SGMS1: variants seen among roughly 807,000 people sequenced by gnomAD.
SGMS1 encodes the protein sphingomyelin synthase 1.
In SGMS1, 13 loss-of-function variants were observed where a neutral mutation model predicts 46.2. The observed-to-expected ratio is 0.28, with a 90% confidence interval of 0.18 to 0.45. SGMS1 has a LOEUF of 0.45. Ranked by LOEUF, SGMS1 falls within the 20% of genes least tolerant of loss-of-function variation. The probability of loss-of-function intolerance (pLI) is 1.00; values close to 1 mark genes in which losing one functional copy is unlikely to be tolerated. For missense variants in SGMS1, 324 were observed against 519.9 expected, an observed-to-expected ratio of 0.62 and a Z score of 3.66; for synonymous variants, 203 against 187.8, an observed-to-expected ratio of 1.08 and a Z score of -0.66.
At chr10:50,578,048 C>T (rs1200827394) in intron 2 of SGMS1, among the ~76,000 whole-genome samples, 2 of 152,238 alleles carry the variant, frequency 1.3e-5, no homozygotes, top group East Asian at 3.8e-4. Context: ...GAGCTTATCA[C>T]CTCAAGGAGC....
At chr10:50,443,830 A>G (rs1160905842) in intron 5 of SGMS1, among the ~76,000 whole-genome samples, 1 of 152,158 alleles carries the variant, frequency 6.6e-6, no homozygotes, top group East Asian at 1.9e-4. Flanking sequence ...TGTGACATAT[A>G]TAGATATAAA....
intron 2 of SGMS1, among the ~76,000 whole-genome samples, chr10:50,545,150 G>A (rs1402441852): frequency 1.3e-5 from 2 of 152,154 alleles, no homozygotes; most frequent in African/African-American, 4.8e-5. Flanking sequence ...TTCAAAGGGG[G>A]AAGCTTTATA....
intron 6 of SGMS1, among the ~76,000 whole-genome samples, chr10:50,412,645 G>A (rs540884182): frequency 1.3e-5 from 2 of 152,172 alleles, no homozygotes; most frequent in Non-Finnish European, 2.9e-5. Flanking sequence ...TGACACATTT[G>A]CACATACATT....
At chr10:50,370,190 GCA>G (rs1848412768) in intron 6 of SGMS1, among the ~76,000 whole-genome samples, 1 of 152,032 alleles carries the variant, frequency 6.6e-6, no homozygotes, top group South Asian at 2.1e-4. Context: ...TGTCAACACT[GCA>G]CACTTAGGGT....
rs1848846579 is a variant in SGMS1 at position 50,396,237 on chromosome 10, A to C, written c.-232+37239T>G. Among the ~76,000 whole-genome samples the C allele has an allele frequency of 1.3e-5, 2 of 152,142 alleles. 1 individual carries two copies. Among genetic ancestry groups the C allele is most frequent in the South Asian group, 4.1e-4 (2 of 4,828 alleles). ...CCCAGTCCCACCCCTCTAGAGGTCC[A>C]AGCTTAAAGACTACCTCTTCTCCTC... is the stretch of plus-strand genomic sequence containing the variant. On this transcript the variant is annotated intron_variant, in intron 6 of 10. Transcript: ENST00000361781.
chr10:50,578,879 T>C (rs1838408314), intron 2 of SGMS1, among the ~76,000 whole-genome samples: 1 of 152,208 alleles, frequency 6.6e-6, no homozygotes, highest in African/African-American at 2.4e-5. Context: ...AAGCTGGAAA[T>C]CTGATAGATG....
intron 6 of SGMS1, among the ~76,000 whole-genome samples, chr10:50,416,283 A>G (rs1250896142): frequency 6.6e-6 from 1 of 152,144 alleles, no homozygotes; most frequent in Non-Finnish European, 1.5e-5. Flanking sequence ...AACTAAATTA[A>G]CTAGCTGTGA....
At chr10:50,321,443 T>G (rs1847441996) in intron 8 of SGMS1, among the ~76,000 whole-genome samples, 1 of 152,140 alleles carries the variant, frequency 6.6e-6, no homozygotes, top group African/African-American at 2.4e-5. Flanking sequence ...CATTGCTATC[T>G]TTAATCACTG....
intron 3 of SGMS1, among the ~76,000 whole-genome samples, chr10:50,517,025 T>C (rs1249781544): frequency 6.6e-6 from 1 of 152,048 alleles, no homozygotes; most frequent in Non-Finnish European, 1.5e-5. Flanking sequence ...TTCAGCATGG[T>C]GGAGAAAGCC....
intron 2 of SGMS1, among the ~76,000 whole-genome samples, chr10:50,523,967 T>C (rs951765567): frequency 6.6e-6 from 1 of 152,228 alleles, no homozygotes; most frequent in Non-Finnish European, 1.5e-5. Context: ...GGACACCCTC[T>C]TGCTACTTCT....
chr10:50,562,401 C>G (rs1028247696), intron 2 of SGMS1, among the ~76,000 whole-genome samples: 25 of 152,032 alleles, frequency 1.6e-4, no homozygotes, highest in Non-Finnish European at 1.9e-4. Flanking sequence ...CGCATGCGCA[C>G]TCTTACACGC....
chr10:50,537,963 T>C (rs1016039600), intron 2 of SGMS1, among the ~76,000 whole-genome samples: 1 of 152,074 alleles, frequency 6.6e-6, no homozygotes, highest in South Asian at 2.1e-4. Flanking sequence ...ACATATTAAA[T>C]GTTTGGTCAG....
intron 2 of SGMS1, among the ~76,000 whole-genome samples, chr10:50,555,580 G>C (rs1044028451): frequency 6.6e-6 from 1 of 152,170 alleles, no homozygotes; most frequent in African/African-American, 2.4e-5. Flanking sequence ...TATTAAAAGA[G>C]GGAAGAACTG....
chr10:50,571,331 A>G (rs1838334724), intron 2 of SGMS1, among the ~76,000 whole-genome samples: 1 of 152,252 alleles, frequency 6.6e-6, no homozygotes. Flanking sequence ...GACCAATATC[A>G]ATTTCAATAG....
intron 4 of SGMS1, among the ~76,000 whole-genome samples, chr10:50,461,580 T>C (rs1837264953): frequency 6.6e-6 from 1 of 152,216 alleles, no homozygotes; most frequent in African/African-American, 2.4e-5. Flanking sequence ...TTCAGGATCA[T>C]ATAAGCCCTG....
intron 2 of SGMS1, among the ~76,000 whole-genome samples, chr10:50,562,107 CT>C (rs1294401200): frequency 4.6e-5 from 7 of 152,122 alleles, no homozygotes; most frequent in African/African-American, 1.7e-4. Context: ...CAGGCCTACG[CT>C]TTCTTTTCTT....
At chr10:50,417,443 T>C (rs560137618) in intron 6 of SGMS1, among the ~76,000 whole-genome samples, 1 of 136,506 alleles carries the variant, frequency 7.3e-6, no homozygotes, top group Non-Finnish European at 1.6e-5. Flanking sequence ...TAAAATAAAA[T>C]AAAATAAATG....
chr10:50,413,762 G>C (rs1423606167), intron 6 of SGMS1, among the ~76,000 whole-genome samples: 1 of 152,164 alleles, frequency 6.6e-6, no homozygotes, highest in Non-Finnish European at 1.5e-5. Flanking sequence ...CATAACAACT[G>C]GTTGAAGACT....
At chr10:50,590,483 TGTAA>T (rs531726593) in intron 1 of SGMS1, among the ~76,000 whole-genome samples, 242 of 152,316 alleles carry the variant, frequency 1.6e-3, no homozygotes, top group Non-Finnish European at 2.3e-3. Flanking sequence ...GGAATTCCTC[TGTAA>T]GTTTCTTTTT....
Sources: allele counts gnomAD v4.1 joint callset (sites outside exome capture counted in the v4.1 genomes callset), GRCh38; gene constraint gnomAD v4.1.1; transcripts MANE v1.5; gene names NCBI Gene and HGNC (gene_info 2026-07-23, HGNC 2026-07-21).